Variants in PLEKHA2 observed in about 807,000 individuals in gnomAD.
The protein encoded by PLEKHA2 is pleckstrin homology domain containing A2.
In PLEKHA2, 28 loss-of-function variants were observed where a neutral mutation model predicts 53.2. That is an observed-to-expected ratio of 0.53 (90% CI 0.39 to 0.72). The LOEUF (loss-of-function observed/expected upper bound fraction) is 0.72, where lower values mean the gene tolerates loss of function less well. Ranked by LOEUF, PLEKHA2 falls within the 30% of genes least tolerant of loss-of-function variation. The probability of loss-of-function intolerance (pLI) is 0.00; values close to 1 mark genes in which losing one functional copy is unlikely to be tolerated. For synonymous variants in PLEKHA2, 193 were observed against 196.4 expected (o/e 0.98, Z 0.14); for missense variants, 426 against 537.9 (o/e 0.79, Z 2.06).
intron 2 of PLEKHA2, among the ~76,000 whole-genome samples, chr8:38,932,584 C>T (rs890294818): frequency 1.4e-4 from 22 of 152,302 alleles, no homozygotes; most frequent in African/African-American, 5.1e-4. Flanking sequence ...CTAACCAGGC[C>T]CTCAGCTCAG....
intron 1 of PLEKHA2, among the ~76,000 whole-genome samples, chr8:38,905,736 G>C (rs1226593899): frequency 6.8e-6 from 1 of 146,556 alleles, no homozygotes; most frequent in African/African-American, 2.5e-5. Context: ...CCATGCTGGA[G>C]TGCAGTGGCG....
At chr8:38,928,862 GA>G (rs764336115) in intron 2 of PLEKHA2, among the ~76,000 whole-genome samples, 2 of 152,176 alleles carry the variant, frequency 1.3e-5, no homozygotes, top group Non-Finnish European at 2.9e-5. Flanking sequence ...GGGCAGAGGG[GA>G]GGAGAGGTGT....
intron 10 of PLEKHA2, among the ~76,000 whole-genome samples, chr8:38,959,733 A>T (rs926177109): frequency 3.9e-5 from 6 of 152,236 alleles, no homozygotes; most frequent in African/African-American, 1.4e-4. Flanking sequence ...GAGAGATATT[A>T]AAAAGGTATA....
intron 3 of PLEKHA2, among the ~76,000 whole-genome samples, chr8:38,938,391 G>C (rs183998371): frequency 6.6e-6 from 1 of 152,278 alleles, no homozygotes; most frequent in African/African-American, 2.4e-5. Context: ...CCACCTTGTG[G>C]GGCAAGGTCA....
In PLEKHA2 at chr8:38,933,790, A is replaced by AG. The variant is rs1554557184; in HGVS notation, c.142-2204_142-2203insG. On this transcript the variant is annotated intron_variant, in intron 2 of 11. Transcript: ENST00000617275. ...AATAGAGGTTTCCTAAAAAAAAAAA[A>AG]AAAAGAAAAGAAAGAAAAGCAGTCG... 1.2e-3 allele frequency among the ~76,000 whole-genome samples: 106 copies of AG among 90,710 alleles called. 4 individuals are homozygous for AG. The highest frequency in any genetic ancestry group is 3.8e-3 in the African/African-American group (100 of 26,044). 59.5% of individuals were successfully genotyped at this position (90,710 alleles called of 152,430 possible).
Position 38,928,564 on chromosome 8 carries a change from GTC to G in PLEKHA2, c.142-7426_142-7425del, listed in dbSNP as rs752910499. ...GCGCCCGGCCCGACCTGGTCTTTAAGTCTCTGTCACCAGAGTTGGAAGACGGA... is the reference window on the plus strand; with the variant it reads ...GCGCCCGGCCCGACCTGGTCTTTAAGTCTGTCACCAGAGTTGGAAGACGGA... On this transcript the variant is annotated intron_variant, in intron 2 of 11. Coordinates refer to ENST00000617275, the MANE Select transcript of PLEKHA2 (RefSeq NM_021623.2). 2.0e-5 allele frequency among the ~76,000 whole-genome samples: 3 copies of G among 152,136 alleles called. No homozygotes were observed. The South Asian group carries it at 6.2e-4, about 32-fold the overall frequency.
At chr8:38,950,504 C>CG (rs1174396395) in intron 5 of PLEKHA2, 3 of 177,048 alleles carry the variant, frequency 1.7e-5, no homozygotes, top group Non-Finnish European at 3.5e-5. Context: ...GTTTGTTTTA[C>CG]GTTTTTTTTT....
intron 1 of PLEKHA2, among the ~76,000 whole-genome samples, chr8:38,911,089 C>T (rs1239140755): frequency 6.6e-6 from 1 of 152,090 alleles, no homozygotes; most frequent in African/African-American, 2.4e-5. Flanking sequence ...GATAGAGGCC[C>T]CTTCTCTTAC....
rs192606467 is a variant in PLEKHA2 at position 38,955,480 on chromosome 8, G to A, written c.774-1843G>A. Among the ~76,000 whole-genome samples, 14 of 152,252 alleles carry A rather than the reference G, an allele frequency of 9.2e-5. No individual in the cohort carries two copies. In the East Asian group the frequency reaches 2.7e-3, roughly 29 times the overall value. ...ACCTTATAACTAACTGGTCTTTGTA[G>A]TGACCAGCCTGATCAAGGGGGTCCT... On this transcript the variant is annotated intron_variant, in intron 9 of 11. Coordinates refer to ENST00000617275, the MANE Select transcript of PLEKHA2 (RefSeq NM_021623.2).
chr8:38,929,320 G>A (rs1834346212), intron 2 of PLEKHA2, among the ~76,000 whole-genome samples: 1 of 152,202 alleles, frequency 6.6e-6, no homozygotes, highest in Non-Finnish European at 1.5e-5. Flanking sequence ...GTCTATTGGA[G>A]TTTGGCACCC....
chr8:38,959,702 A>C (rs938791149), intron 10 of PLEKHA2, among the ~76,000 whole-genome samples: 8 of 152,222 alleles, frequency 5.3e-5, no homozygotes, highest in Non-Finnish European at 1.2e-4. Flanking sequence ...ATGAGGGTAG[A>C]TGGAGAAAAG....
chr8:38,952,665 A>G lies in PLEKHA2; in HGVS notation c.663A>G (p.Ala221=). 1 of 1,611,388 alleles carries G rather than the reference A, an allele frequency of 6.2e-7. No individual in the cohort carries two copies. Among genetic ancestry groups the G allele is most frequent in the Non-Finnish European group, 8.5e-7 (1 of 1,179,838 alleles). The part of the protein sequence containing the change: ...VRKSWKRRFF[A]LDDFTICYFK... ...AGAGCTGGAAACGTCGCTTCTTTGC[A>G]CTTGATGACTTTACCATCTGCTACT... is the stretch of plus-strand genomic sequence containing the variant. The change falls in exon 8 of 12, where the codon GCA becomes GCG. Residue 221 remains alanine, a synonymous_variant. Transcript: ENST00000617275.
chr8:38,909,782 C>T (rs765537073), intron 1 of PLEKHA2, among the ~76,000 whole-genome samples: 3 of 152,196 alleles, frequency 2.0e-5, no homozygotes, highest in South Asian at 2.1e-4. Flanking sequence ...CCATTTAACA[C>T]ACTTTCTGCC....
At chr8:38,925,448 A>G (rs1834269056) in intron 2 of PLEKHA2, among the ~76,000 whole-genome samples, 1 of 152,338 alleles carries the variant, frequency 6.6e-6, no homozygotes, top group South Asian at 2.1e-4. Context: ...GTGAAACACA[A>G]TATTGCACTA....
chr8:38,918,301 TACACACACACCAC>T (rs1460620142), intron 2 of PLEKHA2, among the ~76,000 whole-genome samples: 1 of 112,568 alleles, frequency 8.9e-6, no homozygotes, highest in Non-Finnish European at 1.9e-5. Flanking sequence ...ATGCACCTTA[TACACACACACCAC>T]ACACACACTG....
chr8:38,958,731 T>A (rs2129423608), intron 10 of PLEKHA2, among the ~76,000 whole-genome samples: 1 of 152,314 alleles, frequency 6.6e-6, no homozygotes, highest in South Asian at 2.1e-4. Flanking sequence ...ACCTGTAGAT[T>A]GCTCTACAAG....
intron 1 of PLEKHA2, among the ~76,000 whole-genome samples, chr8:38,909,091 C>T (rs1194553564): frequency 2.0e-5 from 3 of 151,314 alleles, no homozygotes; most frequent in Non-Finnish European, 2.9e-5. Context: ...TGCAGTGAGC[C>T]GAGATGGCGC....
intron 2 of PLEKHA2, among the ~76,000 whole-genome samples, chr8:38,933,341 T>C (rs1321142835): frequency 2.0e-5 from 3 of 152,192 alleles, no homozygotes; most frequent in Non-Finnish European, 4.4e-5. Context: ...CTCTGTTTTA[T>C]AGGTAAAGAG....
Position 38,973,296 on chromosome 8 carries a change from G to A in PLEKHA2, c.*3513G>A, listed in dbSNP as rs1004592720. The A allele has an allele frequency of 6.6e-6, 1 of 151,990 alleles. No individual in the cohort carries two copies. 9.4% of individuals were successfully genotyped at this position (151,990 alleles called of 1,614,324 possible). ...TCTGAGTTGAATACTCAGCTCCCAC[G>A]AGAAAGAAAGTAGTTTTAAGGTCCA... On this transcript the variant is annotated 3_prime_UTR_variant, in exon 12 of 12. Transcript: ENST00000617275.
Sources: allele counts gnomAD v4.1 joint callset (sites outside exome capture counted in the v4.1 genomes callset), GRCh38; gene constraint gnomAD v4.1.1; transcripts MANE v1.5; gene names NCBI Gene and HGNC (gene_info 2026-07-23, HGNC 2026-07-21).